Variants in PIGU observed in about 807,000 individuals in gnomAD.
PIGU encodes the protein phosphatidylinositol glycan anchor biosynthesis class U, also known as GPI-anchor transamidase component PIGU.
In PIGU, 24 loss-of-function variants were observed where a neutral mutation model predicts 49.9. That is an observed-to-expected ratio of 0.48 (90% confidence interval 0.35 to 0.68). The LOEUF is 0.68. Among genes scored for constraint, PIGU ranks in the 30% least tolerant of loss-of-function variants. The probability of loss-of-function intolerance (pLI) is 0.01; values close to 1 mark genes in which losing one functional copy is unlikely to be tolerated. For missense variants in PIGU, 490 were observed against 532.6 expected, an observed-to-expected ratio of 0.92 and a Z score of 0.79; for synonymous variants, 220 against 205.7, an observed-to-expected ratio of 1.07 and a Z score of -0.59.
At chr20:34,606,064 GC>G (rs1984599079) in intron 7 of PIGU, among the ~76,000 whole-genome samples, 1 of 151,876 alleles carries the variant, frequency 6.6e-6, no homozygotes, top group African/African-American at 2.4e-5. Flanking sequence ...GACCATCCTG[GC>G]CAACACGGTG....
At chr20:34,566,136 G>C (rs1371665479) in intron 11 of PIGU, among the ~76,000 whole-genome samples, 2 of 152,108 alleles carry the variant, frequency 1.3e-5, no homozygotes, top group Non-Finnish European at 2.9e-5. Context: ...AAGTTCCCTG[G>C]CTCCCCCTGC....
chr20:34,659,573 G>T (rs935171212), intron 1 of PIGU, among the ~76,000 whole-genome samples: 4 of 152,178 alleles, frequency 2.6e-5, no homozygotes, highest in Non-Finnish European at 4.4e-5. Context: ...CATTGAGAAC[G>T]GGCCAGGATG....
At chr20:34,665,713 G>A (rs894975487) in intron 1 of PIGU, among the ~76,000 whole-genome samples, 4 of 152,012 alleles carry the variant, frequency 2.6e-5, no homozygotes, top group Non-Finnish European at 4.4e-5. Context: ...TAATTTTGGT[G>A]CACACGATTA....
At chr20:34,569,817 GAATAT>G in intron 11 of PIGU, among the ~76,000 whole-genome samples, 1 of 152,318 alleles carries the variant, frequency 6.6e-6, no homozygotes, top group South Asian at 2.1e-4. Flanking sequence ...AGTAGTCACT[GAATAT>G]TCTTCTTGGT....
intron 7 of PIGU, among the ~76,000 whole-genome samples, chr20:34,588,913 G>A (rs1190902102): frequency 6.6e-6 from 1 of 152,058 alleles, no homozygotes; most frequent in Non-Finnish European, 1.5e-5. Flanking sequence ...TTCAATAGAG[G>A]AACAAATAAA....
In PIGU at chr20:34,591,004, G is replaced by C. The variant is rs550207450; in HGVS notation, c.628-2397C>G. On this transcript the variant is annotated intron_variant, in intron 7 of 11. Transcript: ENST00000217446. ...CCACTGCACTCCAGCCTGGGCGACA[G>C]AGCGAGACTCCGTCTCGAAAAAAAG... 1.5e-3 allele frequency among the ~76,000 whole-genome samples: 224 copies of C among 147,658 alleles called. 1 individual carries two copies. The highest frequency in any genetic ancestry group is 5.2e-3 in the African/African-American group (206 of 39,994).
chr20:34,596,872 ATATCT>A (rs1984221086), intron 7 of PIGU, among the ~76,000 whole-genome samples: 1 of 152,212 alleles, frequency 6.6e-6, no homozygotes, highest in African/African-American at 2.4e-5. Flanking sequence ...AATTTTAAAG[ATATCT>A]TATTAGTCAA....
intron 10 of PIGU, among the ~76,000 whole-genome samples, chr20:34,578,030 G>A (rs1447381606): frequency 2.0e-5 from 3 of 152,144 alleles, no homozygotes; most frequent in African/African-American, 7.2e-5. Flanking sequence ...TCATTTTGTT[G>A]TTGTCATTAA....
chr20:34,642,689 A>ATC (rs1986204788), intron 4 of PIGU, among the ~76,000 whole-genome samples: 1 of 117,706 alleles, frequency 8.5e-6, no homozygotes, highest in Non-Finnish European at 1.8e-5. Flanking sequence ...ACACACACAT[A>ATC]TCTCATATAT....
At chr20:34,576,322 A>C (rs1256985211) in intron 10 of PIGU, among the ~76,000 whole-genome samples, 1 of 152,248 alleles carries the variant, frequency 6.6e-6, no homozygotes, top group Non-Finnish European at 1.5e-5. Flanking sequence ...TGACACAGAT[A>C]TATCACTGGC....
At position 34,575,261 on chromosome 20, in the gene PIGU, G is replaced by A. The variant is rs756890502; in HGVS notation, c.1052-15C>T. 3 of 1,612,670 alleles carry A rather than the reference G, an allele frequency of 1.9e-6. No individual in the cohort carries two copies. The highest frequency in any genetic ancestry group is 2.5e-6 in the Non-Finnish European group (3 of 1,179,072). ...GTTTCTCAGGACTGCAAAGACAGAG[G>A]GTTACAGTTAGCCTGACACGCTCTC... On this transcript the variant is annotated splice_polypyrimidine_tract_variant and intron_variant, in intron 10 of 11. Coordinates refer to ENST00000217446, the MANE Select transcript of PIGU (RefSeq NM_080476.5).
At chr20:34,602,795 CT>C (rs1984475785) in intron 7 of PIGU, among the ~76,000 whole-genome samples, 1 of 152,092 alleles carries the variant, frequency 6.6e-6, no homozygotes, top group African/African-American at 2.4e-5. Context: ...AGAGAAAGAA[CT>C]TTCCAGGCAT....
At chr20:34,637,810 G>A in intron 5 of PIGU, 66 bp downstream of exon 5, 1 of 1,589,378 alleles carries the variant, frequency 6.3e-7, no homozygotes, top group Non-Finnish European at 8.5e-7. Context: ...AAACAACATG[G>A]GAAAGTCTCA....
chr20:34,581,387 G>A (rs768906335), intron 10 of PIGU, among the ~76,000 whole-genome samples, 161 bp downstream of exon 10: 35 of 152,172 alleles, frequency 2.3e-4, no homozygotes, highest in Non-Finnish European at 3.8e-4. Context: ...TCACAAGTCC[G>A]CGGCACCTGG....
At chr20:34,649,677 G>C (rs1986467388) in intron 2 of PIGU, among the ~76,000 whole-genome samples, 2 of 151,206 alleles carry the variant, frequency 1.3e-5, no homozygotes, top group South Asian at 4.2e-4. Context: ...TGGGATTACA[G>C]GCGTATGCCA....
At chr20:34,634,121 G>C (rs1985882351) in intron 6 of PIGU, among the ~76,000 whole-genome samples, 2 of 152,132 alleles carry the variant, frequency 1.3e-5, no homozygotes, top group South Asian at 2.1e-4. Flanking sequence ...ACCCAGGCTG[G>C]AGTGCAGTGG....
Position 34,587,015 on chromosome 20 carries a change from T to A in PIGU, c.783-1435A>T, listed in dbSNP as rs117825944. On this transcript the variant is annotated intron_variant, in intron 8 of 11. Transcript: ENST00000217446. Reference sequence around the variant, plus strand: ...TCCCACAAGCTTCGTGTTCCAATAATAGAACACTAGGCATAAATGGGTTAA... The same window carrying A: ...TCCCACAAGCTTCGTGTTCCAATAAAAGAACACTAGGCATAAATGGGTTAA... Among the ~76,000 whole-genome samples the A allele has an allele frequency of 1.5e-3, 233 of 152,294 alleles. 2 individuals are homozygous for A. Among genetic ancestry groups the A allele is most frequent in the Non-Finnish European group, 2.6e-3 (179 of 68,018 alleles).
chr20:34,641,925 A>G (rs1986175815), intron 4 of PIGU, among the ~76,000 whole-genome samples: 1 of 152,220 alleles, frequency 6.6e-6, no homozygotes. Flanking sequence ...GTGGAAAAAC[A>G]AAAACATTCC....
chr20:34,665,141 T>A (rs2146792529), intron 1 of PIGU, among the ~76,000 whole-genome samples: 1 of 145,858 alleles, frequency 6.9e-6, no homozygotes, highest in East Asian at 2.1e-4. Context: ...TTCTCCTGCC[T>A]CAGCCTCCTG....
Sources: allele counts gnomAD v4.1 joint callset (sites outside exome capture counted in the v4.1 genomes callset), GRCh38; gene constraint gnomAD v4.1.1; transcripts MANE v1.5; gene names NCBI Gene and HGNC (gene_info 2026-07-23, HGNC 2026-07-21).